The following ANKMY2 variants were observed in gnomAD, a reference collection of about 807,000 sequenced individuals.
ANKMY2 encodes ankyrin repeat and MYND domain-containing protein 2.
A neutral mutation model predicts 50.4 loss-of-function variants in ANKMY2; 36 were observed. The observed-to-expected ratio is 0.71, with a 90% CI of 0.55 to 0.94. The LOEUF (loss-of-function observed/expected upper bound fraction) is 0.94. ANKMY2 is among the 40% of genes least tolerant of loss of function. The pLI is 0.00. For synonymous variants in ANKMY2, 187 were observed against 178.8 expected (o/e 1.05, Z -0.36); for missense variants, 565 against 524.0 (o/e 1.08, Z -0.76).
At chr7:16,635,790 T>C (rs965815631) in intron 2 of ANKMY2, among the ~76,000 whole-genome samples, 16 of 152,214 alleles carry the variant, frequency 1.1e-4, no homozygotes, top group Non-Finnish European at 1.9e-4. Context: ...TTCTACAGAA[T>C]AGTACATCAA....
Position 16,600,129 on chromosome 7 carries a change from T to C in ANKMY2, c.*632A>G, listed in dbSNP as rs1781016945. On this transcript the variant is annotated 3_prime_UTR_variant, in exon 10 of 10. Coordinates refer to ENST00000306999, the MANE Select transcript of ANKMY2 (RefSeq NM_020319.3). ...ATATGCCTTTGTTCCTGCTGAGGGA[T>C]CTGCCATTCTGGAGGTACAAATACT... The C allele has an allele frequency of 6.6e-6, 1 of 152,218 alleles. No homozygotes were observed. Among genetic ancestry groups the C allele is most frequent in the Non-Finnish European group, 1.5e-5 (1 of 68,040 alleles). 9.4% of individuals were successfully genotyped at this position (152,218 alleles called of 1,614,324 possible).
At chr7:16,637,450 G>GA (rs1781680594) in intron 1 of ANKMY2, among the ~76,000 whole-genome samples, 1 of 152,108 alleles carries the variant, frequency 6.6e-6, no homozygotes, top group African/African-American at 2.4e-5. Context: ...CACCAACAGA[G>GA]AAAAAACAGA....
chr7:16,645,205 C>A (rs1781816275), intron 1 of ANKMY2, among the ~76,000 whole-genome samples: 1 of 152,134 alleles, frequency 6.6e-6, no homozygotes, highest in South Asian at 2.1e-4. Context: ...ACACTGGGGT[C>A]CACACCCCGG....
At chr7:16,619,708 T>C (rs1781406405) in intron 4 of ANKMY2, among the ~76,000 whole-genome samples, 2 of 152,258 alleles carry the variant, frequency 1.3e-5, no homozygotes, top group Non-Finnish European at 2.9e-5. Context: ...AAAATAATAC[T>C]ACTAATATAG....
intron 7 of ANKMY2, among the ~76,000 whole-genome samples, chr7:16,606,474 G>A (rs539233999): frequency 7.9e-5 from 12 of 151,692 alleles, no homozygotes; most frequent in East Asian, 3.9e-4. Flanking sequence ...TGTCTGAGAC[G>A]ATGCTACTAA....
rs541544853 is a variant in ANKMY2, at chr7:16,639,771, G to T, written c.68-3316C>A. Among the ~76,000 whole-genome samples the T allele has an allele frequency of 8.5e-5, 13 of 152,244 alleles. 1 individual carries two copies. The South Asian group carries it at 2.5e-3, about 29-fold the overall frequency. Reference sequence around the variant, plus strand: ...TAATCCAGCCTAGGCAATAAAGTGAGACCCTGTCTCAAAAGAGAATGATAT... The same window carrying T: ...TAATCCAGCCTAGGCAATAAAGTGATACCCTGTCTCAAAAGAGAATGATAT... On this transcript the variant is annotated intron_variant, in intron 1 of 9. Transcript: ENST00000306999.
chr7:16,611,487 G>A (rs1781249913), intron 5 of ANKMY2, among the ~76,000 whole-genome samples: 1 of 152,096 alleles, frequency 6.6e-6, no homozygotes, highest in South Asian at 2.1e-4. Context: ...TTTGTTGTAG[G>A]GTAGATTATT....
At position 16,617,077 on chromosome 7, in the gene ANKMY2, CT is replaced by C. The variant is rs55860068; in HGVS notation, c.371-1174del. 4.3e-3 allele frequency among the ~76,000 whole-genome samples: 633 copies of C among 148,652 alleles called. 3 individuals are homozygous for C. Among genetic ancestry groups the C allele is most frequent in the African/African-American group, 0.014 (569 of 40,582 alleles). ...ATACTTTTGATGAGACATTTTAGAACTTTTTTTTTTTATGGGAACACCTATC... is the reference window on the plus strand; with the variant it reads ...ATACTTTTGATGAGACATTTTAGAACTTTTTTTTTTATGGGAACACCTATC... On this transcript the variant is annotated intron_variant, in intron 4 of 9. Coordinates refer to ENST00000306999, the MANE Select transcript of ANKMY2 (RefSeq NM_020319.3).
At chr7:16,608,169 C>T (rs559806132) in intron 7 of ANKMY2, among the ~76,000 whole-genome samples, 227 of 152,276 alleles carry the variant, frequency 1.5e-3, no homozygotes, top group Non-Finnish European at 3.0e-3. Flanking sequence ...GTCTGCCTAC[C>T]TTTGGGCATC....
At chr7:16,635,139 A>G (rs1781638183) in intron 2 of ANKMY2, among the ~76,000 whole-genome samples, 2 of 152,212 alleles carry the variant, frequency 1.3e-5, no homozygotes, top group African/African-American at 4.8e-5. Flanking sequence ...AATGGATAAA[A>G]AGATTATGGT....
At chr7:16,636,328 A>AGG in intron 2 of ANKMY2, 63 bp downstream of exon 2, 2 of 894,920 alleles carry the variant, frequency 2.2e-6, no homozygotes, top group East Asian at 3.3e-5. Flanking sequence ...AAAAAAAAAA[A>AGG]AAAGGATATA....
Position 16,609,532 on chromosome 7 carries a change from T to A in ANKMY2, c.882+98A>T, listed in dbSNP as rs1267875710. 1.5e-5 allele frequency: 19 copies of A among 1,291,530 alleles called. No homozygotes were observed. The South Asian group carries it at 3.7e-4, about 25-fold the overall frequency. The allele number at this position is 1,291,530 out of a possible 1,614,324, so 80.0% of individuals were successfully genotyped here. On this transcript the variant is annotated intron_variant, in intron 7 of 9. Transcript: ENST00000306999. Reference sequence around the variant, plus strand: ...CTTTGTTCCTAAAAATATTCTGAAATAATAAAAATAAATATTAAAGAGAAC... The same window carrying A: ...CTTTGTTCCTAAAAATATTCTGAAAAAATAAAAATAAATATTAAAGAGAAC...
chr7:16,626,535 C>G (rs1425332844), intron 3 of ANKMY2, among the ~76,000 whole-genome samples: 2 of 152,116 alleles, frequency 1.3e-5, no homozygotes, highest in African/African-American at 4.8e-5. Context: ...AAGAGCTGCA[C>G]CAATTACAGA....
At chr7:16,603,396 G>A (rs910842246) in intron 8 of ANKMY2, among the ~76,000 whole-genome samples, 1 of 152,128 alleles carries the variant, frequency 6.6e-6, no homozygotes, top group African/African-American at 2.4e-5. Flanking sequence ...TGGGAAAGAA[G>A]AATTCTAACT....
At chr7:16,605,844 G>A (rs889113035) in intron 7 of ANKMY2, among the ~76,000 whole-genome samples, 2 of 151,736 alleles carry the variant, frequency 1.3e-5, no homozygotes, top group East Asian at 1.9e-4. Flanking sequence ...CACCACGCCC[G>A]GCTAATTTTT....
In ANKMY2 at chr7:16,621,516, G is replaced by A. The variant is rs150025755; in HGVS notation, c.370+3467C>T. Among the ~76,000 whole-genome samples the A allele has an allele frequency of 6.0e-4, 92 of 152,124 alleles. No homozygotes were observed. The East Asian group carries it at 0.011, about 18-fold the overall frequency. ...CCATCACAATTAGCTATATATCTGG[G>A]GGGAAATGAACTCTAAACAAATAAA... is the stretch of plus-strand genomic sequence containing the variant. On this transcript the variant is annotated intron_variant, in intron 4 of 9. Transcript: ENST00000306999.
At chr7:16,632,065 T>C (rs537244480) in intron 2 of ANKMY2, among the ~76,000 whole-genome samples, 4 of 148,646 alleles carry the variant, frequency 2.7e-5, no homozygotes, top group Non-Finnish European at 6.0e-5. Flanking sequence ...CCCTCCCTCC[T>C]TCTCTTTCTC....
At chr7:16,621,996 T>C (rs974743521) in intron 4 of ANKMY2, among the ~76,000 whole-genome samples, 1 of 145,804 alleles carries the variant, frequency 6.9e-6, no homozygotes, top group African/African-American at 2.6e-5. Context: ...AATAAATAAA[T>C]AAATTTCCTA....
At chr7:16,603,715 C>G (rs536920593) in intron 8 of ANKMY2, 18 of 471,014 alleles carry the variant, frequency 3.8e-5, no homozygotes, top group South Asian at 2.8e-4. Flanking sequence ...TTTCAACCAA[C>G]AGCATGAAAC....
Sources: gnomAD v4.1 joint callset for allele counts (sites outside exome capture counted in the v4.1 genomes callset) on GRCh38, gnomAD v4.1.1 for gene constraint, MANE v1.5 for transcripts, NCBI Gene and HGNC (gene_info 2026-07-23, HGNC 2026-07-21) for gene names.